Variants in SLC22A13 observed in about 807,000 individuals in gnomAD.
SLC22A13 encodes the protein solute carrier family 22 member 13.
A neutral mutation model predicts 49.1 loss-of-function variants in SLC22A13; 42 were observed. That is an observed-to-expected ratio of 0.85 (90% CI 0.67 to 1.11). The LOEUF (loss-of-function observed/expected upper bound fraction) is 1.11, where lower values mean the gene tolerates loss of function less well. Among genes scored for constraint, SLC22A13 ranks in the 50% least tolerant of loss-of-function variants. The probability of loss-of-function intolerance (pLI) is 0.00; values close to 1 mark genes in which losing one functional copy is unlikely to be tolerated. For missense variants in SLC22A13, 694 were observed against 712.8 expected (o/e 0.97, Z 0.30); for synonymous variants, 282 against 293.1 (o/e 0.96, Z 0.39).
chr3:38,268,940 C>T (rs1291216424), intron 1 of SLC22A13, among the ~76,000 whole-genome samples: 1 of 151,834 alleles, frequency 6.6e-6, no homozygotes, highest in Non-Finnish European at 1.5e-5. Context: ...CAAACACCCG[C>T]AAAACAAACA....
chr3:38,277,477 A>G lies in SLC22A13; in HGVS notation c.*12A>G. On this transcript the variant is annotated 3_prime_UTR_variant, in exon 10 of 10. Coordinates refer to ENST00000311856, the MANE Select transcript of SLC22A13 (RefSeq NM_004256.4). ...GCACATACTTCTGATTGAGGTCTCTAAGAGCTGGACCATCAGCAGCAGGGA... is the reference window on the plus strand; with the variant it reads ...GCACATACTTCTGATTGAGGTCTCTGAGAGCTGGACCATCAGCAGCAGGGA... The G allele has an allele frequency of 6.2e-7, 1 of 1,602,240 alleles. No individual in the cohort carries two copies. The highest frequency in any genetic ancestry group is 1.7e-5 in the Admixed American group (1 of 59,758).
In SLC22A13 at chr3:38,275,409, G is replaced by A. The variant is rs758324900; in HGVS notation, c.846G>A (p.Gly282=). ...CTGCACGTTGGCTCCTGACCCGTGG[G>A]AGGATGGACGAGGCGATACAACTGA... The part of the protein sequence containing the change: ...PESARWLLTR[G]RMDEAIQLIQ... The change falls in exon 5 of 10, where the codon GGG becomes GGA. Residue 282 remains glycine (G), a synonymous_variant. Transcript: ENST00000311856. 3.1e-6 allele frequency: 5 copies of A among 1,614,220 alleles called. No individual in the cohort carries two copies. Among genetic ancestry groups the A allele is most frequent in the Non-Finnish European group, 3.4e-6 (4 of 1,180,042 alleles).
rs1410610988 is a variant in SLC22A13 at position 38,270,519 on chromosome 3, A to G, written c.379-3753A>G. The G allele has an allele frequency of 4.7e-5, 10 of 213,194 alleles. No homozygotes were observed. In the East Asian group the frequency reaches 1.1e-3, roughly 24 times the overall value. 13.2% of individuals were successfully genotyped at this position (213,194 alleles called of 1,614,324 possible). ...CACATTTTTGAATGAGGACGGAGAT[A>G]CCACTGAAAAACTGACTAGAAATAC... On this transcript the variant is annotated intron_variant, in intron 1 of 9. Coordinates refer to ENST00000311856, the MANE Select transcript of SLC22A13 (RefSeq NM_004256.4).
intron 4 of SLC22A13, 103 bp from the exon 5 acceptor site, chr3:38,275,267 G>A: frequency 1.9e-6 from 3 of 1,591,838 alleles, no homozygotes; most frequent in Non-Finnish European, 1.7e-6. Flanking sequence ...TCTGGGAGAG[G>A]GAGCCTGTCA....
chr3:38,274,831 C>T (rs1419192359), intron 3 of SLC22A13, 73 bp downstream of exon 3: 20 of 1,553,602 alleles, frequency 1.3e-5, no homozygotes, highest in African/African-American at 2.7e-5. Flanking sequence ...CAGCCCCAAA[C>T]GGCCTGTGGA....
At chr3:38,274,828 A>G in intron 3 of SLC22A13, 70 bp downstream of exon 3, 1 of 1,559,758 alleles carries the variant, frequency 6.4e-7, no homozygotes. Flanking sequence ...CCACAGCCCC[A>G]AACGGCCTGT....
intron 4 of SLC22A13, 37 bp downstream of exon 4, chr3:38,275,194 G>C (rs369761095): frequency 7.4e-6 from 12 of 1,611,466 alleles, no homozygotes; most frequent in African/African-American, 1.3e-5. Flanking sequence ...GCCCCCCCAG[G>C]TTAGTTGTGT....
Position 38,275,474 on chromosome 3 carries a change from C to T in SLC22A13, c.911C>T (p.Pro304Leu), listed in dbSNP as rs1309350408. Residue 304 changes from proline (P) to leucine (L), a missense_variant, in exon 5 of 10, where the codon CCG (proline) becomes CTG (leucine). By Grantham distance (98) the Pro-to-Leu change is moderately conservative (BLOSUM62 -3). Transcript: ENST00000311856. ...TCGGTCAATAGGCGGAAACTCTCCC[C>T]GGAGCTCATGAACCAGGTACTTCCA... ...AASVNRRKLS[P>L]ELMNQLVPEK... is the part of the protein sequence containing the mutation. The T allele has an allele frequency of 1.2e-5, 19 of 1,614,094 alleles. No homozygotes were observed. The highest frequency in any genetic ancestry group is 6.7e-5 in the African/African-American group (5 of 74,938).
chr3:38,278,110 A>C lies in SLC22A13; in HGVS notation c.*645A>C, dbSNP rs1703608273. On this transcript the variant is annotated 3_prime_UTR_variant, in exon 10 of 10. Transcript: ENST00000311856. Reference sequence around the variant, plus strand: ...CCAACCCCCGCCCTACACTCAGCTCATGCCTAACCTATGTGTGGCTCAGGG... The same window carrying C: ...CCAACCCCCGCCCTACACTCAGCTCCTGCCTAACCTATGTGTGGCTCAGGG... The C allele has an allele frequency of 6.6e-6, 1 of 152,318 alleles. No individual in the cohort carries two copies. Among genetic ancestry groups the C allele is most frequent in the Non-Finnish European group, 1.5e-5 (1 of 68,198 alleles). The allele number at this position is 152,318 out of a possible 1,614,324, so 9.4% of individuals were successfully genotyped here.
In SLC22A13 at chr3:38,273,887, C is replaced by T. The variant is rs542078972; in HGVS notation, c.379-385C>T. ...ACAACTTCTCAGTCCTTAAACACTACCTCCCTCACTTTCTCTTCCACATTG... is the reference window on the plus strand; with the variant it reads ...ACAACTTCTCAGTCCTTAAACACTATCTCCCTCACTTTCTCTTCCACATTG... On this transcript the variant is annotated intron_variant, in intron 1 of 9. Coordinates refer to ENST00000311856, the MANE Select transcript of SLC22A13 (RefSeq NM_004256.4). 3.9e-5 allele frequency among the ~76,000 whole-genome samples: 6 copies of T among 152,338 alleles called. No individual in the cohort carries two copies. The East Asian group carries it at 1.2e-3, about 29-fold the overall frequency.
At chr3:38,277,211 C>A in intron 9 of SLC22A13, 84 bp downstream of exon 9, 1 of 1,184,426 alleles carries the variant, frequency 8.4e-7, no homozygotes, top group Non-Finnish European at 1.2e-6. Context: ...CACCTCATCA[C>A]TCGTCCACTG....
chr3:38,275,715 C>T, intron 6 of SLC22A13, 43 bp downstream of exon 6: 1 of 1,589,672 alleles, frequency 6.3e-7, no homozygotes, highest in Middle Eastern at 1.7e-4. Context: ...GGGCTGCAGC[C>T]TCCCTGGTGT....
intron 1 of SLC22A13, among the ~76,000 whole-genome samples, chr3:38,272,922 T>G (rs1703536155): frequency 1.3e-5 from 2 of 152,224 alleles, no homozygotes; most frequent in Admixed American, 1.3e-4. Flanking sequence ...ATGTCTCAAC[T>G]CTACCAGCTG....
At chr3:38,274,565 G>A (rs1424380663) in intron 2 of SLC22A13, 39 bp from the exon 3 acceptor site, 12 of 1,602,638 alleles carry the variant, frequency 7.5e-6, no homozygotes, top group East Asian at 2.2e-5. Context: ...GATGCCTTCC[G>A]GGAGGGACCC....
At chr3:38,274,874 C>T (rs2125863851) in intron 3 of SLC22A13, 115 bp from the exon 4 acceptor site, 11 of 1,540,280 alleles carry the variant, frequency 7.1e-6, no homozygotes, top group Middle Eastern at 3.5e-4. Flanking sequence ...CTGAAGTGGT[C>T]GCACTGGTGC....
intron 1 of SLC22A13, among the ~76,000 whole-genome samples, chr3:38,272,547 A>G (rs1703533246): frequency 1.3e-5 from 2 of 152,214 alleles, no homozygotes; most frequent in South Asian, 4.1e-4. Context: ...ATTATTAGTT[A>G]TTTTAAATGC....
chr3:38,275,552 C>T, intron 5 of SLC22A13, 26 bp from the exon 6 acceptor site: 11 of 1,613,930 alleles, frequency 6.8e-6, no homozygotes, highest in Non-Finnish European at 8.5e-6. Flanking sequence ...TCCTGCCTGG[C>T]TTCTCACTCT....
In SLC22A13 at chr3:38,277,644, A is replaced by G. The variant is rs1341985275; in HGVS notation, c.*179A>G. 3.7e-6 allele frequency: 2 copies of G among 536,192 alleles called. No individual in the cohort carries two copies. The highest frequency in any genetic ancestry group is 3.1e-5 in the East Asian group (1 of 32,126). 33.2% of individuals were successfully genotyped at this position (536,192 alleles called of 1,614,324 possible). A position where few individuals can be genotyped will look rare whatever the true frequency, so the allele number is the denominator to read the frequency against. On this transcript the variant is annotated 3_prime_UTR_variant, in exon 10 of 10. Coordinates refer to ENST00000311856, the MANE Select transcript of SLC22A13 (RefSeq NM_004256.4). ...GTCCAATCCCAGACTGGGAACCACCATCTGAGACAGGACCTCCCGGCCTCC... is the reference window on the plus strand; with the variant it reads ...GTCCAATCCCAGACTGGGAACCACCGTCTGAGACAGGACCTCCCGGCCTCC...
At chr3:38,272,557 C>T (rs1703533364) in intron 1 of SLC22A13, among the ~76,000 whole-genome samples, 1 of 152,170 alleles carries the variant, frequency 6.6e-6, no homozygotes, top group African/African-American at 2.4e-5. Flanking sequence ...ATTTTAAATG[C>T]CATCTTACTA....
Sources: allele counts gnomAD v4.1 joint callset (sites outside exome capture counted in the v4.1 genomes callset), GRCh38; gene constraint gnomAD v4.1.1; transcripts MANE v1.5; gene names NCBI Gene and HGNC (gene_info 2026-07-23, HGNC 2026-07-21).